The following BCAS1 variants were observed in gnomAD, a reference collection of about 807,000 sequenced individuals.
BCAS1 encodes the protein brain enriched myelin associated protein 1, also known as breast carcinoma-amplified sequence 1.
A neutral mutation model predicts 65.4 loss-of-function variants in BCAS1; 46 were observed. The observed-to-expected ratio is 0.70, with a 90% CI of 0.55 to 0.90. The LOEUF (loss-of-function observed/expected upper bound fraction) is 0.90. BCAS1 is among the 40% of genes least tolerant of loss of function. The pLI, the probability that BCAS1 is intolerant of heterozygous loss-of-function variation, is 0.00. For synonymous variants in BCAS1, 298 were observed against 293.5 expected, an observed-to-expected ratio of 1.02 and a Z score of -0.16; for missense variants, 793 against 771.2, an observed-to-expected ratio of 1.03 and a Z score of -0.33.
intron 8 of BCAS1, among the ~76,000 whole-genome samples, chr20:53,977,636 A>G (rs150625737): frequency 0.02 from 3,039 of 152,326 alleles, 47 homozygotes; most frequent in Middle Eastern, 0.051. Context: ...TCACCAATGT[A>G]GATGATGGTG....
intron 4 of BCAS1, among the ~76,000 whole-genome samples, chr20:54,014,346 A>C (rs959067224): frequency 3.9e-5 from 6 of 152,232 alleles, no homozygotes; most frequent in Non-Finnish European, 7.3e-5. Context: ...AGATAGGAAC[A>C]CTGCTAAAGT....
intron 11 of BCAS1, among the ~76,000 whole-genome samples, chr20:53,954,056 C>T (rs1355498460): frequency 3.9e-5 from 6 of 152,152 alleles, no homozygotes; most frequent in African/African-American, 1.2e-4. Context: ...GTGACTTAGG[C>T]CTGACTAATC....
intron 3 of BCAS1, among the ~76,000 whole-genome samples, chr20:54,045,306 A>G (rs2092082901): frequency 6.6e-6 from 1 of 152,230 alleles, no homozygotes; most frequent in Admixed American, 6.5e-5. Flanking sequence ...CAAAATTAGC[A>G]TAATGGCTGA....
At chr20:54,047,817 G>A (rs1458591497) in intron 3 of BCAS1, among the ~76,000 whole-genome samples, 1 of 152,226 alleles carries the variant, frequency 6.6e-6, no homozygotes, top group Non-Finnish European at 1.5e-5. Context: ...TGGCTCAAGA[G>A]TGCTGGTTAC....
intron 4 of BCAS1, among the ~76,000 whole-genome samples, chr20:54,025,763 A>G (rs2091658892): frequency 6.6e-6 from 1 of 152,186 alleles, no homozygotes; most frequent in Non-Finnish European, 1.5e-5. Context: ...TGGTACTCCC[A>G]CCAAGAAAGC....
intron 8 of BCAS1, among the ~76,000 whole-genome samples, chr20:53,980,049 T>C (rs780217394): frequency 1.3e-5 from 2 of 152,166 alleles, no homozygotes; most frequent in Non-Finnish European, 2.9e-5. Flanking sequence ...GGTTCCAAAG[T>C]TGGAATGGTG....
chr20:53,981,021 T>TA (rs2090463550), intron 8 of BCAS1, among the ~76,000 whole-genome samples: 1 of 152,210 alleles, frequency 6.6e-6, no homozygotes, highest in Non-Finnish European at 1.5e-5. Flanking sequence ...AATGGGGAGC[T>TA]AAACAGCAGA....
At chr20:54,000,536 A>G (rs2091031819) in intron 4 of BCAS1, among the ~76,000 whole-genome samples, 1 of 152,186 alleles carries the variant, frequency 6.6e-6, no homozygotes, top group African/African-American at 2.4e-5. Context: ...ATTTTTAGCC[A>G]TTATGATTTC....
At chr20:54,049,595 A>T (rs1466389776) in intron 3 of BCAS1, among the ~76,000 whole-genome samples, 2 of 150,456 alleles carry the variant, frequency 1.3e-5, no homozygotes, top group Non-Finnish European at 3.0e-5. Flanking sequence ...TTAAATAGAG[A>T]TGGGGTCTCT....
intron 8 of BCAS1, among the ~76,000 whole-genome samples, chr20:53,976,663 C>T (rs714514): frequency 0.14 from 20,821 of 152,244 alleles, 1,711 homozygotes; most frequent in South Asian, 0.21. Context: ...TATTTTACAT[C>T]TAAAAGCCAA....
At chr20:54,062,616 A>G (rs12624750) in intron 1 of BCAS1, among the ~76,000 whole-genome samples, 21,131 of 152,220 alleles carry the variant, frequency 0.14, 1,933 homozygotes, top group East Asian at 0.32. Context: ...TTGAATCAAC[A>G]CTTGAGGTTA....
chr20:54,006,200 G>C (rs1276342307), intron 4 of BCAS1, among the ~76,000 whole-genome samples: 3 of 152,194 alleles, frequency 2.0e-5, no homozygotes, highest in African/African-American at 7.2e-5. Flanking sequence ...AAGATATGGA[G>C]AGTCAGAGAG....
At chr20:53,951,335 G>GCGCA (rs1297703003) in intron 12 of BCAS1, among the ~76,000 whole-genome samples, 2 of 152,158 alleles carry the variant, frequency 1.3e-5, no homozygotes, top group African/African-American at 4.8e-5. Context: ...GCCAGGCGTG[G>GCGCA]TGGCGCATGC....
chr20:54,001,430 T>C (rs1423876705), intron 4 of BCAS1, among the ~76,000 whole-genome samples: 4 of 152,212 alleles, frequency 2.6e-5, no homozygotes, highest in Non-Finnish European at 5.9e-5. Context: ...TTAGAAATTA[T>C]GGCTCAGGAG....
At chr20:54,020,898 G>A (rs150939371) in intron 4 of BCAS1, among the ~76,000 whole-genome samples, 4 of 152,280 alleles carry the variant, frequency 2.6e-5, no homozygotes, top group South Asian at 4.1e-4. Context: ...TCATGTATGC[G>A]CATGTATATC....
chr20:54,022,440 TAC>T (rs1451568764), intron 4 of BCAS1, among the ~76,000 whole-genome samples: 55 of 152,318 alleles, frequency 3.6e-4, no homozygotes, highest in Non-Finnish European at 6.3e-4. Context: ...TTAGAAAATA[TAC>T]AGTTTTATTT....
At chr20:54,036,271 G>T (rs996827306) in intron 3 of BCAS1, among the ~76,000 whole-genome samples, 2 of 151,012 alleles carry the variant, frequency 1.3e-5, no homozygotes, top group Non-Finnish European at 3.0e-5. Context: ...ATACCAAAGA[G>T]ATGTTACTTT....
At chr20:54,066,906 T>A (rs767266754) in intron 1 of BCAS1, among the ~76,000 whole-genome samples, 5 of 152,254 alleles carry the variant, frequency 3.3e-5, no homozygotes, top group Non-Finnish European at 5.9e-5. Flanking sequence ...TTTAGACTTT[T>A]AACTTTTCTA....
intron 3 of BCAS1, among the ~76,000 whole-genome samples, chr20:54,047,600 C>G (rs571982266): frequency 1.3e-5 from 2 of 152,330 alleles, no homozygotes; most frequent in Admixed American, 1.3e-4. Flanking sequence ...GTGTTCAGAA[C>G]TCTCTGTTAT....
Sources: allele counts gnomAD v4.1 joint callset (sites outside exome capture counted in the v4.1 genomes callset), GRCh38; gene constraint gnomAD v4.1.1; transcripts MANE v1.5; gene names NCBI Gene and HGNC (gene_info 2026-07-23, HGNC 2026-07-21).